CFAP43: variants seen among roughly 807,000 people sequenced by gnomAD.
CFAP43 encodes the protein cilia- and flagella-associated protein 43.
CFAP43 carries 155 observed loss-of-function variants against 218.9 expected under a neutral mutation model. The ratio of observed to expected loss-of-function variants is 0.71; its 90% CI spans 0.62 to 0.81. The LOEUF is 0.81. Ranked by LOEUF, CFAP43 falls within the 30% of genes least tolerant of loss-of-function variation. The probability of loss-of-function intolerance (pLI) is 0.00; values close to 1 mark genes in which losing one functional copy is unlikely to be tolerated. For missense variants in CFAP43, 1,778 were observed against 1,954.3 expected, an observed-to-expected ratio of 0.91 and a Z score of 1.70; for synonymous variants, 645 against 681.3, an observed-to-expected ratio of 0.95 and a Z score of 0.83.
At chr10:104,198,282 TTTAA>T (rs1374008228) in intron 8 of CFAP43, among the ~76,000 whole-genome samples, 1 of 152,246 alleles carries the variant, frequency 6.6e-6, no homozygotes, top group Non-Finnish European at 1.5e-5. Context: ...TTTATTTTAT[TTTAA>T]TTAATTAATT....
At chr10:104,222,835 A>T (rs1232124616) in intron 3 of CFAP43, among the ~76,000 whole-genome samples, 1 of 152,220 alleles carries the variant, frequency 6.6e-6, no homozygotes, top group Non-Finnish European at 1.5e-5. Context: ...GTATTGAATG[A>T]ATTAAATCCA....
chr10:104,168,925 A>C, intron 20 of CFAP43, 77 bp from the exon 21 acceptor site: 31 of 1,211,768 alleles, frequency 2.6e-5, no homozygotes, highest in Non-Finnish European at 3.1e-5. Flanking sequence ...TTGTAAACTC[A>C]CTAAGTAGCC....
intron 32 of CFAP43, among the ~76,000 whole-genome samples, 161 bp from the exon 33 acceptor site, chr10:104,142,554 A>C (rs772369036): frequency 5.0e-4 from 76 of 152,352 alleles, no homozygotes; most frequent in South Asian, 8.3e-4. Context: ...CATGGTATGT[A>C]ACAATTTGAA....
intron 5 of CFAP43, among the ~76,000 whole-genome samples, chr10:104,209,289 C>T (rs1270152835): frequency 6.6e-6 from 1 of 152,110 alleles, no homozygotes; most frequent in African/African-American, 2.4e-5. Context: ...AACTTAAATA[C>T]AAAATATATG....
intron 27 of CFAP43, among the ~76,000 whole-genome samples, chr10:104,159,143 T>C (rs60198963): frequency 0.044 from 6,536 of 147,668 alleles, 476 homozygotes; most frequent in African/African-American, 0.15. Flanking sequence ...TTTTTATACA[T>C]GTTTGACATT....
rs2087966693 is a variant in CFAP43, at chr10:104,146,303, A to G, written c.3815T>C (p.Val1272Ala). The G allele has an allele frequency of 6.2e-7, 1 of 1,613,776 alleles. No homozygotes were observed. The highest frequency in any genetic ancestry group is 8.5e-7 in the Non-Finnish European group (1 of 1,179,784). ...TAAGTTGTCATAGTGCTCCTTGCAC[A>G]CATCCAGGTCTTCTCTAGATTTCCG... ...AVRKSREDLD[V>A]CKEHYDNLLA... is the part of the protein sequence containing the mutation. Residue 1272 changes from valine (V) to alanine (A), a missense_variant, in exon 30 of 38, where the codon GTG becomes GCG. Around this residue, in one of 3 missense-constraint regions of CFAP43, gnomAD observed 1,553 missense variants for 1,685.2 expected, o/e 0.92. Transcript: ENST00000357060.
At chr10:104,201,474 T>G (rs940156741) in intron 8 of CFAP43, among the ~76,000 whole-genome samples, 14 of 152,170 alleles carry the variant, frequency 9.2e-5, no homozygotes, top group Admixed American at 3.9e-4. Context: ...TCATCTACTG[T>G]TCCTATTCTT....
chr10:104,225,331 T>A, intron 3 of CFAP43, 130 bp downstream of exon 3: 1 of 774,482 alleles, frequency 1.3e-6, no homozygotes, highest in Non-Finnish European at 2.0e-6. Flanking sequence ...TTAAAACTTG[T>A]GATTGGCATT....
At chr10:104,141,098 A>C in intron 33 of CFAP43, 97 bp from the exon 34 acceptor site, 2 of 1,232,394 alleles carry the variant, frequency 1.6e-6, no homozygotes, top group South Asian at 2.8e-5. Context: ...TAAGGAAAAC[A>C]TGCTGGAGAT....
At chr10:104,161,260 T>A in intron 26 of CFAP43, 98 bp from the exon 27 acceptor site, 1 of 1,325,556 alleles carries the variant, frequency 7.5e-7, no homozygotes, top group Non-Finnish European at 1.0e-6. Context: ...TTTAAAAGGA[T>A]ACAGTCCTTC....
At chr10:104,196,817 G>C (rs1313152771) in intron 10 of CFAP43, 36 bp downstream of exon 10, 2 of 1,499,316 alleles carry the variant, frequency 1.3e-6, no homozygotes, top group South Asian at 1.2e-5. Context: ...TTAGAATTCA[G>C]TATTTTTTTA....
intron 2 of CFAP43, among the ~76,000 whole-genome samples, chr10:104,227,155 T>C (rs2091325455): frequency 6.6e-6 from 1 of 152,214 alleles, no homozygotes. Flanking sequence ...TGATTTTTAA[T>C]GTTTGCATAA....
chr10:104,211,520 T>C (rs532016744), intron 5 of CFAP43, among the ~76,000 whole-genome samples: 16 of 152,332 alleles, frequency 1.1e-4, no homozygotes, highest in African/African-American at 3.8e-4. Flanking sequence ...CTCCTACTTC[T>C]GTGACTGCGC....
chr10:104,189,772 G>T (rs753534725), intron 12 of CFAP43, among the ~76,000 whole-genome samples: 2 of 152,182 alleles, frequency 1.3e-5, no homozygotes, highest in Non-Finnish European at 2.9e-5. Flanking sequence ...GGAGGCTGAG[G>T]TGGGAGGATT....
At chr10:104,190,871 A>G (rs890309603) in intron 12 of CFAP43, among the ~76,000 whole-genome samples, 2 of 152,206 alleles carry the variant, frequency 1.3e-5, no homozygotes, top group Non-Finnish European at 2.9e-5. Context: ...CACTAACTAG[A>G]TGCATGGCCT....
At chr10:104,203,264 C>G (rs2090585055) in intron 8 of CFAP43, among the ~76,000 whole-genome samples, 1 of 152,122 alleles carries the variant, frequency 6.6e-6, no homozygotes, top group African/African-American at 2.4e-5. Flanking sequence ...AGTCTAGATT[C>G]CAAGATTTTT....
chr10:104,230,633 G>A lies in CFAP43; in HGVS notation c.276C>T (p.Tyr92=), dbSNP rs776872302. The A allele has an allele frequency of 2.9e-5, 47 of 1,614,042 alleles. No homozygotes were observed. Among genetic ancestry groups the A allele is most frequent in the Middle Eastern group, 1.6e-4 (1 of 6,084 alleles). ...TGGTCAATCCTGGAAAGCTGTATAC[G>A]TAGATGAGAGGTTTTAGCTTCCGGT... ...FSDRKLKPLI[Y]VYSFPGLTRR... Residue 92 remains tyrosine, a synonymous_variant, in exon 2 of 38, where the codon TAC becomes TAT. Transcript: ENST00000357060.
At chr10:104,156,860 G>A (rs1228613063) in intron 27 of CFAP43, among the ~76,000 whole-genome samples, 1 of 152,138 alleles carries the variant, frequency 6.6e-6, no homozygotes, top group Non-Finnish European at 1.5e-5. Context: ...GGTTTATATG[G>A]CTAAATCGGT....
chr10:104,218,084 C>T (rs1474301062), intron 3 of CFAP43, among the ~76,000 whole-genome samples: 1 of 152,116 alleles, frequency 6.6e-6, no homozygotes, highest in Non-Finnish European at 1.5e-5. Context: ...CGCAGTGGCT[C>T]ACGCCTGTAA....
Sources: allele counts gnomAD v4.1 joint callset (sites outside exome capture counted in the v4.1 genomes callset), GRCh38; gene constraint gnomAD v4.1.1; regional missense constraint gnomAD v4.1.1; transcripts MANE v1.5; gene names NCBI Gene and HGNC (gene_info 2026-07-23, HGNC 2026-07-21).